Variants in LMAN2L observed in about 807,000 individuals in gnomAD.
LMAN2L encodes lectin, mannose binding 2 like, also known as VIP36-like protein.
A neutral mutation model predicts 44.3 loss-of-function variants in LMAN2L; 30 were observed. That is an observed-to-expected ratio of 0.68 (90% CI 0.51 to 0.92). The LOEUF is 0.92. Among genes scored for constraint, LMAN2L ranks in the 40% least tolerant of loss-of-function variants. LMAN2L has a pLI of 0.00. For synonymous variants in LMAN2L, 183 were observed against 171.1 expected (o/e 1.07, Z -0.54); for missense variants, 429 against 446.1 (o/e 0.96, Z 0.35).
At chr2:96,720,550 C>G (rs1280006426) in intron 4 of LMAN2L, among the ~76,000 whole-genome samples, 1 of 151,526 alleles carries the variant, frequency 6.6e-6, no homozygotes, top group Non-Finnish European at 1.5e-5. Flanking sequence ...CTCCTGGACT[C>G]AAGCTATCTT....
rs749526886 is a variant in LMAN2L at position 96,738,907 on chromosome 2, A to AT, written c.188-841dup. ...AGGCGCCCGCCACCACACCTGGCTAATTTTTTTGTATTTTCAGCAGAGATG... is the reference window on the plus strand; with the variant it reads ...AGGCGCCCGCCACCACACCTGGCTAATTTTTTTTGTATTTTCAGCAGAGATG... On this transcript the variant is annotated intron_variant, in intron 1 of 7. Transcript: ENST00000264963. Among the ~76,000 whole-genome samples the AT allele has an allele frequency of 7.8e-4, 119 of 152,054 alleles. 1 individual carries two copies. The highest frequency in any genetic ancestry group is 6.0e-4 in the Non-Finnish European group (41 of 67,958).
At chr2:96,733,118 C>A (rs1307670858) in intron 4 of LMAN2L, among the ~76,000 whole-genome samples, 14 of 152,132 alleles carry the variant, frequency 9.2e-5, no homozygotes, top group African/African-American at 3.1e-4. Flanking sequence ...GAAAAAGAAG[C>A]TGAAAAGTGT....
intron 2 of LMAN2L, among the ~76,000 whole-genome samples, chr2:96,737,738 T>A (rs1415338905): frequency 6.6e-6 from 1 of 152,154 alleles, no homozygotes; most frequent in Non-Finnish European, 1.5e-5. Flanking sequence ...GAAAAAAAAA[T>A]GAATTATTTG....
In LMAN2L at chr2:96,734,574, AC is replaced by A. The variant is rs765895229; in HGVS notation, c.307-49del. The A allele has an allele frequency of 9.4e-4, 1,126 of 1,201,280 alleles. 8 individuals carry two copies. Among genetic ancestry groups the A allele is most frequent in the East Asian group, 2.8e-3 (119 of 42,950 alleles). The allele number at this position is 1,201,280 out of a possible 1,614,324, so 74.4% of individuals were successfully genotyped here. A position where few individuals can be genotyped will look rare whatever the true frequency, so the allele number is the denominator to read the frequency against. ...ATCAATGAGGAGCATGAAATGCAAA[AC>A]CCCTCAAGCCCACATCAGCAATCAA... On this transcript the variant is annotated intron_variant, in intron 2 of 7. Coordinates refer to ENST00000264963, the MANE Select transcript of LMAN2L (RefSeq NM_030805.4).
At chr2:96,735,134 C>T (rs757727744) in intron 2 of LMAN2L, among the ~76,000 whole-genome samples, 6 of 152,226 alleles carry the variant, frequency 3.9e-5, no homozygotes, top group Non-Finnish European at 7.3e-5. Context: ...ACCCTCCCGT[C>T]CATGGCCAAG....
intron 6 of LMAN2L, among the ~76,000 whole-genome samples, chr2:96,709,989 G>A (rs1301334803): frequency 6.6e-6 from 1 of 152,218 alleles, no homozygotes; most frequent in Non-Finnish European, 1.5e-5. Context: ...AGGAAAATGT[G>A]TAGTCATATA....
chr2:96,731,974 A>C (rs1422858364), intron 4 of LMAN2L, among the ~76,000 whole-genome samples: 1 of 151,908 alleles, frequency 6.6e-6, no homozygotes. Flanking sequence ...CAGCCTCCCA[A>C]GTAGCTGGGA....
chr2:96,730,050 A>G (rs2153332906), intron 4 of LMAN2L, among the ~76,000 whole-genome samples: 2 of 152,334 alleles, frequency 1.3e-5, no homozygotes, highest in East Asian at 3.9e-4. Flanking sequence ...AGATGTCTCA[A>G]TTTTTACCAT....
intron 4 of LMAN2L, among the ~76,000 whole-genome samples, chr2:96,723,350 T>C (rs2078199146): frequency 6.6e-6 from 1 of 152,206 alleles, no homozygotes; most frequent in South Asian, 2.1e-4. Flanking sequence ...TCTAGAGAAA[T>C]ACCTATTAAG....
chr2:96,737,900 T>C (rs2153337925), intron 2 of LMAN2L, 49 bp downstream of exon 2: 1 of 1,202,338 alleles, frequency 8.3e-7, no homozygotes, highest in Non-Finnish European at 1.2e-6. Flanking sequence ...ACTGCTGAAC[T>C]TTTTAGGCCT....
At chr2:96,718,622 C>A (rs897818036) in intron 4 of LMAN2L, among the ~76,000 whole-genome samples, 1 of 152,192 alleles carries the variant, frequency 6.6e-6, no homozygotes, top group Admixed American at 6.5e-5. Flanking sequence ...CACACGTAGA[C>A]CTGTCACTTT....
At position 96,711,772 on chromosome 2, in the gene LMAN2L, T is replaced by A; in HGVS notation, c.670-2A>T. Reference sequence around the variant, plus strand: ...CTTGCCATCAATATCCATCATTATCTAGAATAAAAAGAGAGATAAATCAGG... The same window carrying A: ...CTTGCCATCAATATCCATCATTATCAAGAATAAAAAGAGAGATAAATCAGG... On this transcript the variant is annotated splice_acceptor_variant, in intron 5 of 7. Transcript: ENST00000264963. LOFTEE classifies it high-confidence loss of function. 6.2e-7 allele frequency: 1 copy of A among 1,613,736 alleles called. No homozygotes were observed. The highest frequency in any genetic ancestry group is 8.5e-7 in the Non-Finnish European group (1 of 1,179,706).
intron 4 of LMAN2L, among the ~76,000 whole-genome samples, chr2:96,731,634 C>T (rs922430780): frequency 6.6e-6 from 1 of 151,350 alleles, no homozygotes; most frequent in Non-Finnish European, 1.5e-5. Context: ...TGGAGACGAG[C>T]GAGACTCCAT....
At chr2:96,708,212 TG>T (rs2077828201) in intron 6 of LMAN2L, among the ~76,000 whole-genome samples, 1 of 152,262 alleles carries the variant, frequency 6.6e-6, no homozygotes, top group East Asian at 1.9e-4. Flanking sequence ...GTACTGAGGC[TG>T]GGCAGCAGCA....
At chr2:96,737,445 T>C (rs181375598) in intron 2 of LMAN2L, among the ~76,000 whole-genome samples, 169 of 152,184 alleles carry the variant, frequency 1.1e-3, no homozygotes, top group African/African-American at 4.0e-3. Flanking sequence ...AGACCAAGAG[T>C]TTGAGACCAG....
In LMAN2L at chr2:96,711,900, G is replaced by C. The variant is rs769870144; in HGVS notation, c.633C>G (p.Thr211=). The C allele has an allele frequency of 3.1e-6, 5 of 1,614,094 alleles. No individual in the cohort carries two copies. The Admixed American group carries it at 8.3e-5, about 27-fold the overall frequency. The part of the protein sequence containing the change: ...TAIVRNLHYD[T]FLVIRYVKRH... ...TCTTGACGTAGCGAATCACCAGGAAGGTGTCGTAATGAAGATTGCGGACAA... is the reference window on the plus strand; with the variant it reads ...TCTTGACGTAGCGAATCACCAGGAACGTGTCGTAATGAAGATTGCGGACAA... Residue 211 remains threonine (T), a synonymous_variant, in exon 5 of 8, where the codon ACC becomes ACG. Transcript: ENST00000264963.
chr2:96,736,235 C>T (rs993694205), intron 2 of LMAN2L, among the ~76,000 whole-genome samples: 3 of 152,114 alleles, frequency 2.0e-5, no homozygotes, highest in African/African-American at 7.2e-5. Flanking sequence ...CTGGATTCAC[C>T]TACGGAGTTT....
In LMAN2L at chr2:96,705,980, A is replaced by AG; in HGVS notation, c.*1275dup. 1 of 152,548 alleles carries AG rather than the reference A, an allele frequency of 6.6e-6. No individual in the cohort carries two copies. The highest frequency in any genetic ancestry group is 1.5e-5 in the Non-Finnish European group (1 of 68,048). The allele number at this position is 152,548 out of a possible 1,614,324, so 9.4% of individuals were successfully genotyped here. A position where few individuals can be genotyped will look rare whatever the true frequency, so the allele number is the denominator to read the frequency against. ...TTTCATTTAGGCTACAGAGGTTCAT[A>AG]GGAGGACTCAGAGTTCCAGGCCCTC... On this transcript the variant is annotated 3_prime_UTR_variant, in exon 8 of 8. Coordinates refer to ENST00000264963, the MANE Select transcript of LMAN2L (RefSeq NM_030805.4).
chr2:96,726,087 A>C (rs1378209360), intron 4 of LMAN2L, among the ~76,000 whole-genome samples: 6 of 151,926 alleles, frequency 3.9e-5, no homozygotes, highest in Non-Finnish European at 7.4e-5. Flanking sequence ...AGCAGAGATC[A>C]TGCCACTGCA....
Sources: allele counts gnomAD v4.1 joint callset (sites outside exome capture counted in the v4.1 genomes callset), GRCh38; gene constraint gnomAD v4.1.1; transcripts MANE v1.5; gene names NCBI Gene and HGNC (gene_info 2026-07-23, HGNC 2026-07-21).